The following BICD1 variants were observed in gnomAD, a reference collection of about 807,000 sequenced individuals.
BICD1 encodes protein bicaudal D homolog 1.
BICD1 carries 35 observed loss-of-function variants against 92.5 expected under a neutral mutation model. The observed-to-expected ratio is 0.38, with a 90% CI of 0.29 to 0.50. The LOEUF is 0.50. Among genes scored for constraint, BICD1 ranks in the 20% least tolerant of loss-of-function variants. The pLI, the probability that BICD1 is intolerant of heterozygous loss-of-function variation, is 0.93. For missense variants in BICD1, 950 were observed against 1,189.8 expected (o/e 0.80, Z 2.97); for synonymous variants, 429 against 465.1 (o/e 0.92, Z 1.00).
At chr12:32,353,036 A>T (rs1022619776) in intron 8 of BICD1, 1 of 152,238 alleles carries the variant, frequency 6.6e-6, no homozygotes, top group Non-Finnish European at 1.5e-5. Flanking sequence ...TATTGACATT[A>T]GAATCAGTTA....
At chr12:32,331,065 G>C (rs1237754997) in intron 5 of BICD1, among the ~76,000 whole-genome samples, 1 of 152,028 alleles carries the variant, frequency 6.6e-6, no homozygotes, top group African/African-American at 2.4e-5. Flanking sequence ...ACCCCGGGGG[G>C]CGGAGGTTGC....
chr12:32,263,031 C>A (rs1946897299), intron 2 of BICD1, among the ~76,000 whole-genome samples: 1 of 151,922 alleles, frequency 6.6e-6, no homozygotes. Context: ...GTAGTCCCAG[C>A]TACTTCGGAG....
At chr12:32,163,548 C>A (rs1234179845) in intron 1 of BICD1, among the ~76,000 whole-genome samples, 1 of 152,112 alleles carries the variant, frequency 6.6e-6, no homozygotes, top group Non-Finnish European at 1.5e-5. Context: ...AGTTTGGTAT[C>A]CTGCTTGTTC....
At chr12:32,273,413 G>A (rs1429094065) in intron 2 of BICD1, among the ~76,000 whole-genome samples, 3 of 152,308 alleles carry the variant, frequency 2.0e-5, no homozygotes, top group African/African-American at 7.2e-5. Context: ...CACAGAGGGG[G>A]CTGAGACTCC....
At chr12:32,309,150 G>GTAAATAAACACATT (rs56692834) in intron 4 of BICD1, among the ~76,000 whole-genome samples, 15,203 of 151,890 alleles carry the variant, frequency 0.1, 872 homozygotes, top group African/African-American at 0.15. Context: ...TTAAATTTAT[G>GTAAATAAACACATT]TAAATAAACA....
chr12:32,133,389 G>A (rs1942625679), intron 1 of BICD1, among the ~76,000 whole-genome samples: 1 of 151,946 alleles, frequency 6.6e-6, no homozygotes, highest in African/African-American at 2.4e-5. Context: ...TCGGGAGGTT[G>A]AGGCACAAGA....
chr12:32,145,001 G>A (rs1286751303), intron 1 of BICD1, among the ~76,000 whole-genome samples: 5 of 152,270 alleles, frequency 3.3e-5, no homozygotes, highest in Non-Finnish European at 7.4e-5. Flanking sequence ...CTTTTCTGAT[G>A]GTTGAATAAT....
chr12:32,233,752 G>A (rs117689224), intron 2 of BICD1, among the ~76,000 whole-genome samples: 3,585 of 152,262 alleles, frequency 0.024, 50 homozygotes, highest in Middle Eastern at 0.071. Context: ...TGGTAGGCGG[G>A]CAAGTAATGC....
At chr12:32,308,889 T>C (rs958692760) in intron 4 of BICD1, among the ~76,000 whole-genome samples, 3 of 152,160 alleles carry the variant, frequency 2.0e-5, no homozygotes, top group Non-Finnish European at 4.4e-5. Context: ...TTGCTCCAGA[T>C]TTAGTTGTGA....
chr12:32,211,988 TA>T (rs1244703331), intron 1 of BICD1, among the ~76,000 whole-genome samples: 1 of 152,218 alleles, frequency 6.6e-6, no homozygotes. Context: ...TATTCATGAG[TA>T]CCTGTGCTTA....
intron 1 of BICD1, among the ~76,000 whole-genome samples, chr12:32,152,177 G>C (rs1333848692): frequency 1.3e-5 from 2 of 151,868 alleles, no homozygotes; most frequent in Non-Finnish European, 1.5e-5. Flanking sequence ...GGCTGGTCTT[G>C]AACTCCTGAC....
chr12:32,306,329 C>T (rs1294181861), intron 4 of BICD1, among the ~76,000 whole-genome samples: 4 of 151,938 alleles, frequency 2.6e-5, no homozygotes, highest in African/African-American at 7.3e-5. Context: ...CTGCAACCTC[C>T]GCCTCCCAGG....
At chr12:32,375,686 A>G (rs1939927441) in intron 9 of BICD1, among the ~76,000 whole-genome samples, 2 of 152,320 alleles carry the variant, frequency 1.3e-5, no homozygotes, top group Admixed American at 6.5e-5. Flanking sequence ...CTTCTTTTAA[A>G]CTATATTTAC....
chr12:32,332,664 C>A (rs1313075675), intron 5 of BICD1: 1 of 280,330 alleles, frequency 3.6e-6, no homozygotes, highest in Non-Finnish European at 5.4e-6. Flanking sequence ...GAGGAAGCAA[C>A]TAAGGTTTCC....
intron 2 of BICD1, among the ~76,000 whole-genome samples, chr12:32,221,432 C>T (rs1417439148): frequency 1.3e-5 from 2 of 151,120 alleles, no homozygotes; most frequent in Admixed American, 1.3e-4. Context: ...GCCTGTAATC[C>T]CAGCCCTTTG....
intron 2 of BICD1, among the ~76,000 whole-genome samples, chr12:32,218,651 C>T (rs1166188972): frequency 6.6e-6 from 1 of 152,176 alleles, no homozygotes. Context: ...GTTATATCCA[C>T]ATTTAGGTAT....
At chr12:32,153,785 G>A (rs35509859) in intron 1 of BICD1, among the ~76,000 whole-genome samples, 48,583 of 146,706 alleles carry the variant, frequency 0.33, 8,488 homozygotes, top group Admixed American at 0.49. Context: ...ATATATATGT[G>A]TGTGTGTGTG....
At chr12:32,212,333 A>G (rs1032222270) in intron 1 of BICD1, among the ~76,000 whole-genome samples, 1 of 152,212 alleles carries the variant, frequency 6.6e-6, no homozygotes, top group Non-Finnish European at 1.5e-5. Flanking sequence ...CTTAAGGTTT[A>G]TAACAAATGT....
At chr12:32,289,171 A>G (rs1287281387) in intron 2 of BICD1, among the ~76,000 whole-genome samples, 1 of 152,172 alleles carries the variant, frequency 6.6e-6, no homozygotes, top group African/African-American at 2.4e-5. Flanking sequence ...GTAGGGCCAG[A>G]TCATGTGACT....
Sources: gnomAD v4.1 joint callset for allele counts (sites outside exome capture counted in the v4.1 genomes callset) on GRCh38, gnomAD v4.1.1 for gene constraint, MANE v1.5 for transcripts, NCBI Gene and HGNC (gene_info 2026-07-23, HGNC 2026-07-21) for gene names.